RPS6KC1: variants seen among roughly 807,000 people sequenced by gnomAD.
RPS6KC1 encodes the protein ribosomal protein S6 kinase C1, also known as inactive ribosomal protein S6 kinase delta-1.
Under a neutral mutation model 103.8 loss-of-function variants are expected in RPS6KC1, and 54 were observed. That is an observed-to-expected ratio of 0.52 (90% CI 0.42 to 0.65). The LOEUF (loss-of-function observed/expected upper bound fraction) is 0.65. RPS6KC1 is among the 30% of genes least tolerant of loss of function. RPS6KC1 has a pLI of 0.00. For synonymous variants in RPS6KC1, 439 were observed against 438.7 expected (o/e 1.00, Z -0.01); for missense variants, 1,151 against 1,253.8 (o/e 0.92, Z 1.24).
intron 7 of RPS6KC1, among the ~76,000 whole-genome samples, chr1:213,173,776 T>G (rs2091658455): frequency 6.6e-6 from 1 of 152,260 alleles, no homozygotes; most frequent in Admixed American, 6.5e-5. Flanking sequence ...TTCTTGAGGT[T>G]AGACTGAGCC....
At chr1:213,282,107 C>T in the RPS6KC1 span, among the ~76,000 whole-genome samples, 3 of 152,316 alleles carry the variant, frequency 2.0e-5, no homozygotes, top group East Asian at 1.9e-4. Flanking sequence ...CAAGCATTGC[C>T]GGCAGTTGTG....
chr1:213,814,010 TCA>T, the RPS6KC1 span, among the ~76,000 whole-genome samples: 2 of 152,220 alleles, frequency 1.3e-5, no homozygotes, highest in African/African-American at 4.8e-5. Context: ...TTGCTAAAAC[TCA>T]CACAGAGTTT....
the RPS6KC1 span, among the ~76,000 whole-genome samples, chr1:213,611,261 A>G: frequency 0.062 from 9,435 of 152,166 alleles, 603 homozygotes; most frequent in East Asian, 0.29. Context: ...GAGAGCAGAA[A>G]TAACCCATCT....
the RPS6KC1 span, among the ~76,000 whole-genome samples, chr1:213,694,710 A>G: frequency 1.3e-5 from 2 of 152,248 alleles, no homozygotes; most frequent in Admixed American, 1.3e-4. Flanking sequence ...ATATGAAGGA[A>G]GATAGATTGC....
intron 12 of RPS6KC1, among the ~76,000 whole-genome samples, chr1:213,251,706 TAAAG>T (rs1280779337): frequency 2.0e-5 from 3 of 152,204 alleles, no homozygotes; most frequent in Non-Finnish European, 4.4e-5. Context: ...CAATGGAACT[TAAAG>T]AAAACAAATG....
chr1:213,820,885 A>G, the RPS6KC1 span: 1 of 152,100 alleles, frequency 6.6e-6, no homozygotes, highest in African/African-American at 2.4e-5. Flanking sequence ...AACTACCTAC[A>G]TAGTGTGAAT....
intron 5 of RPS6KC1, among the ~76,000 whole-genome samples, chr1:213,128,023 A>T (rs867745336): frequency 2.6e-5 from 4 of 152,148 alleles, no homozygotes; most frequent in South Asian, 2.1e-4. Context: ...AGCTTTAAAA[A>T]CCTATCACTT....
chr1:213,458,778 C>A, the RPS6KC1 span, among the ~76,000 whole-genome samples: 19 of 152,122 alleles, frequency 1.2e-4, no homozygotes, highest in Non-Finnish European at 2.2e-4. Flanking sequence ...TTTTGAGATA[C>A]ATTCCGTCAA....
intron 1 of RPS6KC1, among the ~76,000 whole-genome samples, chr1:213,064,849 G>A (rs1051517910): frequency 6.8e-6 from 1 of 146,628 alleles, no homozygotes; most frequent in Non-Finnish European, 1.5e-5. Context: ...GGCTAACTTT[G>A]TATTTTTAAT....
intron 6 of RPS6KC1, among the ~76,000 whole-genome samples, chr1:213,158,295 G>A (rs1214732167): frequency 2.0e-5 from 3 of 152,184 alleles, no homozygotes; most frequent in Non-Finnish European, 4.4e-5. Flanking sequence ...AGCCTTAACA[G>A]GTAAGATCTA....
chr1:213,679,485 A>G, the RPS6KC1 span, among the ~76,000 whole-genome samples: 1 of 152,232 alleles, frequency 6.6e-6, no homozygotes, highest in Admixed American at 6.5e-5. Flanking sequence ...CTTAGAGAAG[A>G]CAAGTAACTC....
intron 8 of RPS6KC1, among the ~76,000 whole-genome samples, chr1:213,221,127 G>A (rs1396261610): frequency 6.6e-6 from 1 of 151,152 alleles, no homozygotes; most frequent in Non-Finnish European, 1.5e-5. Flanking sequence ...TACATTTTAT[G>A]TTTCATTTTA....
chr1:213,748,003 G>T, the RPS6KC1 span, among the ~76,000 whole-genome samples: 4 of 152,110 alleles, frequency 2.6e-5, no homozygotes. Flanking sequence ...TAATTATGAA[G>T]CTATTAATTG....
the RPS6KC1 span, among the ~76,000 whole-genome samples, chr1:213,521,881 G>A: frequency 2.0e-5 from 3 of 152,080 alleles, no homozygotes; most frequent in East Asian, 1.9e-4. Context: ...CCCTACTGAC[G>A]TTGCGAGTCC....
chr1:213,853,927 C>G, the RPS6KC1 span, among the ~76,000 whole-genome samples: 11 of 152,196 alleles, frequency 7.2e-5, no homozygotes, highest in African/African-American at 2.4e-4. Context: ...CTGGTTTGTT[C>G]AAATATAACA....
chr1:213,162,612 G>A (rs1213243938), intron 6 of RPS6KC1, among the ~76,000 whole-genome samples: 1 of 152,174 alleles, frequency 6.6e-6, no homozygotes, highest in African/African-American at 2.4e-5. Flanking sequence ...GAGTAAATAA[G>A]TCTTTGGATT....
At chr1:213,731,430 A>G in the RPS6KC1 span, 1 of 152,040 alleles carries the variant, frequency 6.6e-6, no homozygotes, top group Admixed American at 6.6e-5. Flanking sequence ...GACCTATTCT[A>G]TCAAGGATCG....
the RPS6KC1 span, among the ~76,000 whole-genome samples, chr1:213,723,683 T>C: frequency 1.1e-4 from 16 of 152,258 alleles, no homozygotes; most frequent in Non-Finnish European, 1.5e-4. Flanking sequence ...AAAGTGACTT[T>C]GGGCAAAGTC....
At chr1:213,088,908 C>T (rs963442886) in intron 3 of RPS6KC1, among the ~76,000 whole-genome samples, 2 of 152,166 alleles carry the variant, frequency 1.3e-5, no homozygotes, top group Non-Finnish European at 2.9e-5. Context: ...TTACATTTCA[C>T]GCCTACTTGA....
Sources: gnomAD v4.1 joint callset for allele counts (sites outside exome capture counted in the v4.1 genomes callset) on GRCh38, gnomAD v4.1.1 for gene constraint, MANE v1.5 for transcripts, NCBI Gene and HGNC (gene_info 2026-07-23, HGNC 2026-07-21) for gene names.